The following OR3A2 variants were observed in gnomAD, a reference collection of about 807,000 sequenced individuals.
The protein encoded by OR3A2 is olfactory receptor 3A2.
For synonymous variants in OR3A2, 126 were observed against 159.3 expected (o/e 0.79, Z 1.57); for missense variants, 318 against 392.8 (o/e 0.81, Z 1.61).
At chr17:3,300,279 C>A (rs1227020938) in intron 3 of OR3A2, among the ~76,000 whole-genome samples, 1 of 152,132 alleles carries the variant, frequency 6.6e-6, no homozygotes, top group Non-Finnish European at 1.5e-5. Flanking sequence ...ACAATGGAGG[C>A]TGGGAGCAGT....
intron 2 of OR3A2, among the ~76,000 whole-genome samples, chr17:3,356,457 G>A (rs1046322187): frequency 1.3e-5 from 2 of 151,410 alleles, no homozygotes; most frequent in African/African-American, 4.9e-5. Flanking sequence ...TGTCTGAGAA[G>A]ATCTTTATTT....
intron 3 of OR3A2, among the ~76,000 whole-genome samples, chr17:3,323,450 C>T (rs985675370): frequency 2.6e-5 from 4 of 151,988 alleles, no homozygotes; most frequent in East Asian, 1.9e-4. Flanking sequence ...TTCTTCCTAA[C>T]CTCGATGGTC....
At chr17:3,283,406 G>A (rs960011723) in intron 1 of OR3A2, among the ~76,000 whole-genome samples, 37 of 152,222 alleles carry the variant, frequency 2.4e-4, no homozygotes, top group African/African-American at 8.4e-4. Flanking sequence ...TGTATTTTTA[G>A]TAGAGACAGG....
At chr17:3,371,594 C>G (rs179476) in intron 2 of OR3A2, among the ~76,000 whole-genome samples, 3 of 122,474 alleles carry the variant, frequency 2.4e-5, no homozygotes, top group African/African-American at 3.2e-5. Context: ...CCCTCCCGGA[C>G]GGGGTGGCTG....
intron 2 of OR3A2, among the ~76,000 whole-genome samples, chr17:3,358,661 T>C (rs1484164846): frequency 6.6e-6 from 1 of 151,762 alleles, no homozygotes; most frequent in Admixed American, 6.6e-5. Context: ...ATGGTTTTGG[T>C]TCTATTACAT....
At chr17:3,305,418 A>T (rs1011728606) in intron 3 of OR3A2, among the ~76,000 whole-genome samples, 1 of 152,212 alleles carries the variant, frequency 6.6e-6, no homozygotes, top group African/African-American at 2.4e-5. Flanking sequence ...TATATAAAAT[A>T]TAACTGAGTA....
chr17:3,287,675 T>G (rs1353483252), upstream of OR3A2, among the ~76,000 whole-genome samples: 1 of 152,194 alleles, frequency 6.6e-6, no homozygotes, highest in Admixed American at 6.5e-5. Flanking sequence ...CTGCTGGAGA[T>G]TCTCAATTAC....
chr17:3,298,995 T>C (rs944853672), intron 3 of OR3A2, among the ~76,000 whole-genome samples: 1 of 152,212 alleles, frequency 6.6e-6, no homozygotes, highest in Non-Finnish European at 1.5e-5. Flanking sequence ...CTTATGACTT[T>C]GTGATGCTTT....
chr17:3,340,983 C>T (rs1420809785), intron 2 of OR3A2, among the ~76,000 whole-genome samples: 1 of 152,142 alleles, frequency 6.6e-6, no homozygotes, highest in Admixed American at 6.5e-5. Context: ...GGATAGTTAG[C>T]TCTTCTTGTT....
At chr17:3,346,281 T>A (rs2049363345) in intron 2 of OR3A2, among the ~76,000 whole-genome samples, 1 of 152,200 alleles carries the variant, frequency 6.6e-6, no homozygotes, top group Non-Finnish European at 1.5e-5. Flanking sequence ...TAGGTGTACA[T>A]ATTTATAAGT....
At chr17:3,297,219 G>C (rs1237151745) in intron 3 of OR3A2, among the ~76,000 whole-genome samples, 2 of 152,120 alleles carry the variant, frequency 1.3e-5, no homozygotes, top group African/African-American at 2.4e-5. Flanking sequence ...AATTCCTGTT[G>C]TATCACCCTC....
chr17:3,363,773 C>T (rs2049539472), intron 2 of OR3A2, among the ~76,000 whole-genome samples: 1 of 152,140 alleles, frequency 6.6e-6, no homozygotes, highest in African/African-American at 2.4e-5. Context: ...GTTCTGCAGG[C>T]TTAGCAAAAA....
intron 2 of OR3A2, among the ~76,000 whole-genome samples, chr17:3,339,603 C>T (rs902779651): frequency 6.6e-6 from 1 of 151,922 alleles, no homozygotes; most frequent in African/African-American, 2.4e-5. Context: ...TTGAACCAGC[C>T]TTGCATCCCA....
chr17:3,362,315 T>G (rs1003336334), intron 2 of OR3A2, among the ~76,000 whole-genome samples: 5 of 150,296 alleles, frequency 3.3e-5, no homozygotes, highest in South Asian at 4.1e-4. Flanking sequence ...CTTTTCTTCT[T>G]TATTAGTCTT....
At chr17:3,351,056 G>A (rs1359034289) in intron 2 of OR3A2, among the ~76,000 whole-genome samples, 17 of 151,494 alleles carry the variant, frequency 1.1e-4, no homozygotes, top group Admixed American at 1.1e-3. Context: ...AGCTATCTAT[G>A]ACAAACCCAC....
intron 2 of OR3A2, among the ~76,000 whole-genome samples, chr17:3,363,812 C>G (rs1160845553): frequency 6.6e-6 from 1 of 152,186 alleles, no homozygotes; most frequent in African/African-American, 2.4e-5. Flanking sequence ...AGGAAACTTA[C>G]AATCATGACA....
In OR3A2 at chr17:3,363,333, T is replaced by C. The variant is rs142721112; in HGVS notation, c.-179+20471A>G. Among the ~76,000 whole-genome samples, 1,389 of 151,938 alleles carry C rather than the reference T, an allele frequency of 9.1e-3. 66 individuals are homozygous for C. The highest frequency in any genetic ancestry group is 0.032 in the African/African-American group (1,323 of 41,196). On this transcript the variant is annotated intron_variant, in intron 2 of 4. Transcript: ENST00000573491. ...CTTTGAAATTTCTTCTGCCAGATACTCTAAATGATCTGTCTCAAGTTCAAA... is the reference window on the plus strand; with the variant it reads ...CTTTGAAATTTCTTCTGCCAGATACCCTAAATGATCTGTCTCAAGTTCAAA...
At chr17:3,371,782 C>A (rs1257978854) in intron 2 of OR3A2, among the ~76,000 whole-genome samples, 2 of 134,492 alleles carry the variant, frequency 1.5e-5, no homozygotes, top group Non-Finnish European at 3.2e-5. Flanking sequence ...CGGGCAGAGG[C>A]GCCCCTCACC....
intron 2 of OR3A2, among the ~76,000 whole-genome samples, chr17:3,371,460 T>C (rs187340437): frequency 0.71 from 82,810 of 116,068 alleles, 29,451 homozygotes; most frequent in East Asian, 0.99. Flanking sequence ...GGTGGCTGGC[T>C]GGGCGGGGGG....
Sources: gnomAD v4.1 joint callset for allele counts (sites outside exome capture counted in the v4.1 genomes callset) on GRCh38, gnomAD v4.1.1 for gene constraint, MANE v1.5 for transcripts, NCBI Gene and HGNC (gene_info 2026-07-23, HGNC 2026-07-21) for gene names.